EML3: variants seen among roughly 807,000 people sequenced by gnomAD.
EML3 encodes echinoderm microtubule-associated protein-like 3.
In EML3, 53 loss-of-function variants were observed where a neutral mutation model predicts 106.7. The ratio of observed to expected loss-of-function variants is 0.50; its 90% CI spans 0.40 to 0.62. The LOEUF (loss-of-function observed/expected upper bound fraction) is 0.62, where lower values mean the gene tolerates loss of function less well. Ranked by LOEUF, EML3 falls within the 20% of genes least tolerant of loss-of-function variation. EML3 has a pLI of 0.00. For missense variants in EML3, 994 were observed against 1,209.1 expected (o/e 0.82, Z 2.64); for synonymous variants, 499 against 489.6 (o/e 1.02, Z -0.25).
chr11:62,610,772 T>C, intron 4 of EML3, 107 bp downstream of exon 4: 1 of 969,970 alleles, frequency 1.0e-6, no homozygotes, highest in Non-Finnish European at 1.5e-6. Context: ...TTTATTCCTG[T>C]TGGGCAATCA....
In EML3 at chr11:62,604,186, G is replaced by A. The variant is rs765905264; in HGVS notation, c.1998C>T (p.Asp666=). Residue 666 remains aspartate (D), a synonymous_variant, in exon 17 of 22, where the codon GAC becomes GAT. Coordinates refer to ENST00000394773, the MANE Select transcript of EML3 (RefSeq NM_153265.3). The stretch of plus-strand genomic sequence containing the variant: ...CAGACACGATCTCTCTGGTCTCTGT[G>A]TCCAAAACCAACCACCTGGAAGGGA... ...GLNTGRWLVL[D]TETREIVSDV... is the part of the protein sequence containing the mutation. 2 of 1,613,898 alleles carry A rather than the reference G, an allele frequency of 1.2e-6. No individual in the cohort carries two copies. Among genetic ancestry groups the A allele is most frequent in the Non-Finnish European group, 8.5e-7 (1 of 1,179,980 alleles).
intron 4 of EML3, 39 bp downstream of exon 4, chr11:62,610,840 C>G: frequency 6.4e-7 from 1 of 1,552,934 alleles, no homozygotes; most frequent in Non-Finnish European, 8.8e-7. Context: ...CGAGAGCCTG[C>G]GCCTGGGGCG....
intron 5 of EML3, 72 bp from the exon 6 acceptor site, chr11:62,609,549 T>G: frequency 1.3e-6 from 2 of 1,553,608 alleles, no homozygotes; most frequent in Non-Finnish European, 1.7e-6. Flanking sequence ...CCACCACACC[T>G]ACCCAAAATA....
chr11:62,607,704 C>G lies in EML3; in HGVS notation c.1324G>C (p.Gly442Arg). 6.2e-7 allele frequency: 1 copy of G among 1,614,080 alleles called. No homozygotes were observed. Among genetic ancestry groups the G allele is most frequent in the Non-Finnish European group, 8.5e-7 (1 of 1,179,996 alleles). ...TGTTTCCGGGTAAGGGTCCCATTCC[C>G]AGGAACCCCTACTCCACCACTCCAA... is the stretch of plus-strand genomic sequence containing the variant. ...WNWSGGVGVPGNGTLTRKQGV... is the reference protein window; with the variant it reads ...WNWSGGVGVPRNGTLTRKQGV... Residue 442 changes from glycine to arginine, a missense_variant, in exon 11 of 22, where the codon GGG (glycine) becomes CGG (arginine). Transcript: ENST00000394773.
In EML3 at chr11:62,612,599, G is replaced by A. The variant is rs1227479048; in HGVS notation, c.-142C>T. 2.0e-5 allele frequency: 16 copies of A among 820,264 alleles called. No homozygotes were observed. Among genetic ancestry groups the A allele is most frequent in the Non-Finnish European group, 2.5e-5 (15 of 595,290 alleles). 50.8% of individuals were successfully genotyped at this position (820,264 alleles called of 1,614,324 possible). ...CACCACCCCGAGGGGGCGCTGTCGGGCGCGGGGAAGGGGCCTGGAGGGGGC... is the reference window on the plus strand; with the variant it reads ...CACCACCCCGAGGGGGCGCTGTCGGACGCGGGGAAGGGGCCTGGAGGGGGC... On this transcript the variant is annotated 5_prime_UTR_variant, in exon 1 of 22. Coordinates refer to ENST00000394773, the MANE Select transcript of EML3 (RefSeq NM_153265.3).
chr11:62,608,142 G>T, intron 10 of EML3, 59 bp downstream of exon 10: 1 of 1,507,394 alleles, frequency 6.6e-7, no homozygotes, highest in Non-Finnish European at 9.2e-7. Flanking sequence ...GGAGCTCCCT[G>T]CACTCCACCA....
intron 11 of EML3, 138 bp from the exon 12 acceptor site, chr11:62,607,237 C>T: frequency 9.5e-7 from 1 of 1,052,560 alleles, no homozygotes; most frequent in Non-Finnish European, 1.4e-6. Context: ...CACCTGAGGC[C>T]AGGAGTTTGT....
chr11:62,608,621 G>A lies in EML3; in HGVS notation c.1031C>T (p.Ser344Leu). ...CTCCTGCAGTTTCAACAGCGTCTCT[G>A]AGTCCCAGATGTGAACCACAGGCTG... Reference protein sequence around the residue: ...PLQPVVHIWDSETLLKLQEIG... With the variant: ...PLQPVVHIWDLETLLKLQEIG... Residue 344 changes from serine (S) to leucine (L), a missense_variant, in exon 9 of 22, where the codon TCA becomes TTA. Physicochemically the swap from Ser to Leu is moderately radical, Grantham distance 145 (BLOSUM62 -2). This residue lies in a region of EML3 where 713 missense variants were observed against 920.5 expected (regional missense o/e 0.77). Coordinates refer to ENST00000394773, the MANE Select transcript of EML3 (RefSeq NM_153265.3). 6.2e-7 allele frequency: 1 copy of A among 1,614,228 alleles called. No individual in the cohort carries two copies. The highest frequency in any genetic ancestry group is 8.5e-7 in the Non-Finnish European group (1 of 1,180,050).
rs1590745684 is a variant in EML3, at chr11:62,605,237, G to A, written c.1915-57C>T. On this transcript the variant is annotated intron_variant, in intron 15 of 21. Transcript: ENST00000394773. The surrounding 1 kb of genome is among the most constrained non-coding windows in gnomAD (Gnocchi z 5.2). ...ATGTCTTTCTAGTGAGGGAACCAGA[G>A]TGAACCCCTTGTCCTCCTAACTTCA... 1 of 1,570,292 alleles carries A rather than the reference G, an allele frequency of 6.4e-7. No individual in the cohort carries two copies. Among genetic ancestry groups the A allele is most frequent in the African/African-American group, 1.4e-5 (1 of 73,976 alleles).
rs146980330 is a variant in EML3 at position 62,611,336 on chromosome 11, G to A, written c.203C>T (p.Ala68Val). Residue 68 changes from alanine to valine, a missense_variant, in exon 3 of 22, where the codon GCC becomes GTC. By Grantham distance (64) the Ala-to-Val change is moderately conservative. Coordinates refer to ENST00000394773, the MANE Select transcript of EML3 (RefSeq NM_153265.3). ...GCACGTGGGTGGCAGTCCTGGGGGG[G>A]CTGCAAGACTGCTGGAGAGATGTTG... ...TPAPPGDSLAAPPGLPPTCTP... is the reference protein window; with the variant it reads ...TPAPPGDSLAVPPGLPPTCTP... 2.5e-6 allele frequency: 4 copies of A among 1,612,984 alleles called. No individual in the cohort carries two copies. In the South Asian group the frequency reaches 3.3e-5, roughly 13 times the overall value.
chr11:62,604,510 T>G (rs919491732), intron 16 of EML3, among the ~76,000 whole-genome samples: 4 of 152,118 alleles, frequency 2.6e-5, no homozygotes, highest in Non-Finnish European at 4.4e-5. Flanking sequence ...CCTGAGTAGC[T>G]AGAATTACAG....
At position 62,607,764 on chromosome 11, in the gene EML3, C is replaced by T. The variant is rs751526266; in HGVS notation, c.1264G>A (p.Val422Ile). 11 of 1,614,032 alleles carry T rather than the reference C, an allele frequency of 6.8e-6. No individual in the cohort carries two copies. The highest frequency in any genetic ancestry group is 6.6e-5 in the South Asian group (6 of 91,084). Residue 422 changes from valine (V) to isoleucine (I), a missense_variant, in exon 11 of 22, where the codon GTC (valine) becomes ATC (isoleucine). Val to Ile is a conservative substitution (Grantham distance 29). This residue lies in a region of EML3 where 713 missense variants were observed against 920.5 expected (regional missense o/e 0.77). Coordinates refer to ENST00000394773, the MANE Select transcript of EML3 (RefSeq NM_153265.3). The stretch of plus-strand genomic sequence containing the variant: ...TGGACGTGAGATTTCCCACTGGTGA[C>T]GATGCAGCTGCTGTCACGAGGGTTG... ...GFNPRDSSCI[V>I]TSGKSHVHFW...
In EML3 at chr11:62,612,488, G is replaced by A. The variant is rs991148186; in HGVS notation, c.-31C>T. The A allele has an allele frequency of 2.1e-6, 3 of 1,400,220 alleles. No individual in the cohort carries two copies. The highest frequency in any genetic ancestry group is 1.8e-6 in the Non-Finnish European group (2 of 1,084,616). The allele number at this position is 1,400,220 out of a possible 1,614,324, so 86.7% of individuals were successfully genotyped here. On this transcript the variant is annotated 5_prime_UTR_variant, in exon 1 of 22. Coordinates refer to ENST00000394773, the MANE Select transcript of EML3 (RefSeq NM_153265.3). ...CCCCGGGTTGCTCCGAGCGGCGGCGGCGGAGGAGGCGTCTAAGCCGCGGGG... is the reference window on the plus strand; with the variant it reads ...CCCCGGGTTGCTCCGAGCGGCGGCGACGGAGGAGGCGTCTAAGCCGCGGGG...
In EML3 at chr11:62,606,360, T is replaced by C. The variant is rs540886970; in HGVS notation, c.1505-146A>G. The C allele has an allele frequency of 3.3e-4, 313 of 938,822 alleles. 2 individuals carry two copies. In the African/African-American group the frequency reaches 4.7e-3, roughly 14 times the overall value. 58.2% of individuals were successfully genotyped at this position (938,822 alleles called of 1,614,324 possible). On this transcript the variant is annotated intron_variant, in intron 12 of 21. Coordinates refer to ENST00000394773, the MANE Select transcript of EML3 (RefSeq NM_153265.3). ...CTCATCCTCATACTGCCAACACATC[T>C]GTTATTCTCCCCATTTTACAAACAG...
At chr11:62,606,779 C>T (rs1338153363) in intron 12 of EML3, among the ~76,000 whole-genome samples, 179 bp downstream of exon 12, 1 of 151,676 alleles carries the variant, frequency 6.6e-6, no homozygotes, top group East Asian at 1.9e-4. Context: ...ATCACTTGAA[C>T]CTGGAAGGCA....
rs775328207 is a variant in EML3, at chr11:62,608,261, G to A, written c.1146C>T (p.Ser382=). 4 of 1,613,896 alleles carry A rather than the reference G, an allele frequency of 2.5e-6. No homozygotes were observed. The highest frequency in any genetic ancestry group is 2.5e-6 in the Non-Finnish European group (3 of 1,180,010). Residue 382 remains serine, a synonymous_variant, in exon 10 of 22, where the codon TCC becomes TCT. Transcript: ENST00000394773. ...QGAFLCVVDD[S]NEHMLSVWDC... ...CCCACACCGACAGCATGTGCTCATTGGAATCATCCACCACACAAAGAAAGG... is the reference window on the plus strand; with the variant it reads ...CCCACACCGACAGCATGTGCTCATTAGAATCATCCACCACACAAAGAAAGG...
intron 1 of EML3, 134 bp from the exon 2 acceptor site, chr11:62,611,730 G>C: frequency 2.3e-5 from 23 of 1,018,506 alleles, no homozygotes; most frequent in East Asian, 2.7e-5. Flanking sequence ...TTGAATGCTC[G>C]TCCAGAGGGG....
rs1378881358 is a variant in EML3, at chr11:62,609,106, C to T, written c.785G>A (p.Arg262His). 9 of 1,613,840 alleles carry T rather than the reference C, an allele frequency of 5.6e-6. No homozygotes were observed. Among genetic ancestry groups the T allele is most frequent in the South Asian group, 3.3e-5 (3 of 91,078 alleles). Residue 262 changes from arginine to histidine, a missense_variant, in exon 7 of 22, where the codon CGC becomes CAC. Physicochemically the swap from Arg to His is conservative, Grantham distance 29. This residue lies in a region of EML3 where 713 missense variants were observed against 920.5 expected (regional missense o/e 0.77). Coordinates refer to ENST00000394773, the MANE Select transcript of EML3 (RefSeq NM_153265.3). ...WVYGYRGRDS[R>H]SNLFVLRSGE... ...AGAGCGCAACACAAACAGATTAGAG[C>T]GGGAGTCACGACCCCTGTACCCATA...
rs758539323 is a variant in EML3, at chr11:62,602,939, G to C, written c.2357-50C>G. ...CGACCTCCTACCCACCGCCACCCAC[G>C]GCCCAGAGCTACACCATTTCAGGCG... On this transcript the variant is annotated intron_variant, in intron 20 of 21. Transcript: ENST00000394773. 3.4e-6 allele frequency: 5 copies of C among 1,484,944 alleles called. No individual in the cohort carries two copies. In the African/African-American group the frequency reaches 4.2e-5, roughly 12 times the overall value. 92.0% of individuals were successfully genotyped at this position (1,484,944 alleles called of 1,614,324 possible).
Sources: allele counts gnomAD v4.1 joint callset (sites outside exome capture counted in the v4.1 genomes callset), GRCh38; gene constraint gnomAD v4.1.1; regional missense constraint gnomAD v4.1.1; non-coding constraint Gnocchi (gnomAD v3.1); transcripts MANE v1.5; gene names NCBI Gene and HGNC (gene_info 2026-07-23, HGNC 2026-07-21).